The following MTHFD2L variants were observed in gnomAD, a reference collection of about 807,000 sequenced individuals.
MTHFD2L encodes the protein methylenetetrahydrofolate dehydrogenase (NADP+ dependent) 2 like.
A neutral mutation model predicts 34.9 loss-of-function variants in MTHFD2L; 29 were observed. That is an observed-to-expected ratio of 0.83 (90% CI 0.62 to 1.13). The LOEUF (loss-of-function observed/expected upper bound fraction) is 1.13. Ranked by LOEUF, MTHFD2L falls within the 50% of genes most tolerant of loss-of-function variation. The pLI, the probability that MTHFD2L is intolerant of heterozygous loss-of-function variation, is 0.00. For missense variants in MTHFD2L, 481 were observed against 446.5 expected, an observed-to-expected ratio of 1.08 and a Z score of -0.70; for synonymous variants, 167 against 155.7, an observed-to-expected ratio of 1.07 and a Z score of -0.54.
At chr4:74,218,682 GT>G (rs907553982) in intron 5 of MTHFD2L, among the ~76,000 whole-genome samples, 1 of 149,616 alleles carries the variant, frequency 6.7e-6, no homozygotes, top group African/African-American at 2.5e-5. Flanking sequence ...TTCTAGCTTT[GT>G]TTTTTTATAA....
At position 74,281,405 on chromosome 4, in the gene MTHFD2L, AC is replaced by A; in HGVS notation, c.806-19del. 1 of 1,608,488 alleles carries A rather than the reference AC, an allele frequency of 6.2e-7. No individual in the cohort carries two copies. The highest frequency in any genetic ancestry group is 2.2e-5 in the East Asian group (1 of 44,724). On this transcript the variant is annotated intron_variant, in intron 6 of 7. Transcript: ENST00000325278. ...ACACCTTTGTTATGCTGAAGGACAA[AC>A]AACTCTTTTTGTTTTCAGGTATTCC...
In MTHFD2L at chr4:74,175,340, G is replaced by C; in HGVS notation, c.388G>C (p.Val130Leu). 1 of 1,613,080 alleles carries C rather than the reference G, an allele frequency of 6.2e-7. No individual in the cohort carries two copies. Among genetic ancestry groups the C allele is most frequent in the Non-Finnish European group, 8.5e-7 (1 of 1,179,342 alleles). Residue 130 changes from valine to leucine, a missense_variant, in exon 3 of 8, where the codon GTA becomes CTA. Transcript: ENST00000325278. ...KDVSQEELLD[V>L]TDQLNMDPRV... ...TGTTTCTCAGGAAGAACTTTTGGAC[G>C]TAACTGATCAATTGAATATGGACCC...
intron 6 of MTHFD2L, among the ~76,000 whole-genome samples, chr4:74,269,156 A>G (rs547531310): frequency 1.3e-5 from 2 of 152,138 alleles, no homozygotes; most frequent in Non-Finnish European, 2.9e-5. Context: ...TCCCAAGGAG[A>G]CTGTTTTACT....
chr4:74,282,575 C>T (rs986609909), intron 7 of MTHFD2L, among the ~76,000 whole-genome samples: 1 of 152,014 alleles, frequency 6.6e-6, no homozygotes, highest in Admixed American at 6.6e-5. Context: ...AGGGTACTGG[C>T]CCTATATATG....
At chr4:74,264,950 T>C (rs946775239) in intron 6 of MTHFD2L, among the ~76,000 whole-genome samples, 3 of 152,268 alleles carry the variant, frequency 2.0e-5, no homozygotes, top group South Asian at 2.1e-4. Context: ...TGTGGAGATA[T>C]TAAGATCTAT....
intron 1 of MTHFD2L, among the ~76,000 whole-genome samples, chr4:74,165,978 A>T (rs964949209): frequency 2.0e-5 from 3 of 152,218 alleles, no homozygotes; most frequent in Admixed American, 2.0e-4. Flanking sequence ...GATAGGGGAA[A>T]ATTAAAGTTT....
intron 6 of MTHFD2L, chr4:74,267,224 C>G (rs1363082317): frequency 1.0e-6 from 1 of 985,302 alleles, no homozygotes; most frequent in African/African-American, 1.7e-5. Context: ...CCTGCAGTCT[C>G]TCCTCATTCC....
intron 7 of MTHFD2L, among the ~76,000 whole-genome samples, chr4:74,287,833 G>GGATA (rs1366630263): frequency 6.6e-6 from 1 of 152,086 alleles, no homozygotes; most frequent in Non-Finnish European, 1.5e-5. Context: ...CTTCATTCAG[G>GGATA]GATACTGTTT....
chr4:74,211,189 G>C lies in MTHFD2L; in HGVS notation c.712+9819G>C, dbSNP rs182937876. Among the ~76,000 whole-genome samples, 357 of 152,106 alleles carry C rather than the reference G, an allele frequency of 2.3e-3. 1 individual carries two copies. Among genetic ancestry groups the C allele is most frequent in the African/African-American group, 8.3e-3 (344 of 41,512 alleles). On this transcript the variant is annotated intron_variant, in intron 5 of 7. Coordinates refer to ENST00000325278, the MANE Select transcript of MTHFD2L (RefSeq NM_001144978.3). ...TACCCTTTATTTTTTTCTCTTGCCT[G>C]ATTGCCCTGGCCAGAACTTGCAATA...
At chr4:74,262,055 A>ATATAT (rs10639466) in intron 6 of MTHFD2L, among the ~76,000 whole-genome samples, 56,117 of 151,508 alleles carry the variant, frequency 0.37, 13,221 homozygotes, top group African/African-American at 0.68. Flanking sequence ...GAAAAGACAA[A>ATATAT]TAATGGGGAA....
intron 1 of MTHFD2L, among the ~76,000 whole-genome samples, chr4:74,159,270 G>A (rs1262895314): frequency 6.6e-6 from 1 of 152,170 alleles, no homozygotes; most frequent in Non-Finnish European, 1.5e-5. Context: ...TCTTCCACAA[G>A]GATATGTGAG....
At chr4:74,202,763 T>C (rs1734661819) in intron 5 of MTHFD2L, among the ~76,000 whole-genome samples, 1 of 152,186 alleles carries the variant, frequency 6.6e-6, no homozygotes. Flanking sequence ...ATACAGTACT[T>C]CATTGGTTTC....
upstream of MTHFD2L, among the ~76,000 whole-genome samples, chr4:74,120,909 G>A (rs1721743660): frequency 6.6e-6 from 1 of 152,192 alleles, no homozygotes; most frequent in Non-Finnish European, 1.5e-5. Flanking sequence ...TTACTTGTGT[G>A]ACATATTCAA....
intron 1 of MTHFD2L, among the ~76,000 whole-genome samples, chr4:74,146,614 C>T (rs1352122533): frequency 6.6e-6 from 1 of 152,120 alleles, no homozygotes; most frequent in Non-Finnish European, 1.5e-5. Flanking sequence ...TTTTTATACA[C>T]CTTGGGGTAG....
chr4:74,231,014 G>C (rs541445612), intron 6 of MTHFD2L, among the ~76,000 whole-genome samples: 1 of 152,180 alleles, frequency 6.6e-6, no homozygotes, highest in South Asian at 2.1e-4. Flanking sequence ...GTGTCACGGT[G>C]GTGAAAGCTG....
intron 1 of MTHFD2L, among the ~76,000 whole-genome samples, chr4:74,136,240 A>G (rs1229093444): frequency 6.6e-6 from 1 of 151,858 alleles, no homozygotes; most frequent in South Asian, 2.1e-4. Flanking sequence ...AGACTCTACC[A>G]AAAAAAACTG....
intron 2 of MTHFD2L, among the ~76,000 whole-genome samples, chr4:74,117,470 T>C (rs756044600): frequency 1.1e-4 from 17 of 152,176 alleles, no homozygotes; most frequent in Non-Finnish European, 2.4e-4. Context: ...AACCTTCAGA[T>C]CTTAATCTGT....
intron 5 of MTHFD2L, among the ~76,000 whole-genome samples, chr4:74,201,639 C>A (rs1734456091): frequency 1.3e-5 from 2 of 150,266 alleles, no homozygotes; most frequent in Non-Finnish European, 2.9e-5. Flanking sequence ...AGGTGCAAAG[C>A]TACTAGATAC....
intron 1 of MTHFD2L, among the ~76,000 whole-genome samples, chr4:74,133,499 C>A (rs1427444756): frequency 2.0e-5 from 3 of 151,916 alleles, no homozygotes; most frequent in Non-Finnish European, 4.4e-5. Flanking sequence ...GCCTTCATTT[C>A]TTTTTATTGT....
Sources: allele counts gnomAD v4.1 joint callset (sites outside exome capture counted in the v4.1 genomes callset), GRCh38; gene constraint gnomAD v4.1.1; transcripts MANE v1.5; gene names NCBI Gene and HGNC (gene_info 2026-07-23, HGNC 2026-07-21).